The following TXLNB variants were observed in gnomAD, a reference collection of about 807,000 sequenced individuals.
TXLNB encodes the protein beta-taxilin.
A neutral mutation model predicts 57.4 loss-of-function variants in TXLNB; 37 were observed. That is an observed-to-expected ratio of 0.64 (90% CI 0.50 to 0.85). The LOEUF is 0.85. Among genes scored for constraint, TXLNB ranks in the 40% least tolerant of loss-of-function variants. The pLI, the probability that TXLNB is intolerant of heterozygous loss-of-function variation, is 0.00. For synonymous variants in TXLNB, 302 were observed against 309.6 expected, an observed-to-expected ratio of 0.98 and a Z score of 0.26; for missense variants, 848 against 825.6, an observed-to-expected ratio of 1.03 and a Z score of -0.33.
At chr6:139,258,631 T>C (rs1442876139) in intron 6 of TXLNB, among the ~76,000 whole-genome samples, 1 of 152,234 alleles carries the variant, frequency 6.6e-6, no homozygotes, top group African/African-American at 2.4e-5. Context: ...ACTGAATTGA[T>C]TCTGGTCTGA....
the TXLNB span, chr6:139,179,856 T>C: frequency 1.3e-5 from 2 of 152,216 alleles, no homozygotes; most frequent in Non-Finnish European, 2.9e-5. Flanking sequence ...TTCAGTAAAA[T>C]GAAGCAGTCT....
At chr6:139,227,546 C>T in the TXLNB span, among the ~76,000 whole-genome samples, 1 of 152,156 alleles carries the variant, frequency 6.6e-6, no homozygotes, top group Non-Finnish European at 1.5e-5. Context: ...AGACACATGT[C>T]ATATAACCCA....
the TXLNB span, among the ~76,000 whole-genome samples, chr6:139,185,672 G>A: frequency 6.6e-6 from 1 of 152,216 alleles, no homozygotes; most frequent in Non-Finnish European, 1.5e-5. Context: ...CTGCACTCCA[G>A]CCTGGGCGAC....
the TXLNB span, among the ~76,000 whole-genome samples, chr6:139,213,898 G>A: frequency 1.9e-4 from 29 of 152,154 alleles, no homozygotes; most frequent in Admixed American, 7.2e-4. Flanking sequence ...TAAATTCCTC[G>A]ACACATACAC....
chr6:139,236,836 T>C (rs1384636609), downstream of TXLNB, among the ~76,000 whole-genome samples: 1 of 152,102 alleles, frequency 6.6e-6, no homozygotes, highest in Non-Finnish European at 1.5e-5. Context: ...ACTGCTGAGC[T>C]CAAGTGATCC....
chr6:139,201,253 G>C, the TXLNB span, among the ~76,000 whole-genome samples: 3 of 152,164 alleles, frequency 2.0e-5, no homozygotes, highest in Non-Finnish European at 2.9e-5. Flanking sequence ...GTTTTGGACT[G>C]AGCTCCTGCA....
chr6:139,245,793 A>G (rs71560700), intron 8 of TXLNB, among the ~76,000 whole-genome samples: 1,679 of 152,224 alleles, frequency 0.011, 13 homozygotes, highest in Non-Finnish European at 0.017. Flanking sequence ...CCCGAGTTCA[A>G]GCGATTCTCC....
At chr6:139,224,133 C>A in the TXLNB span, among the ~76,000 whole-genome samples, 2 of 150,050 alleles carry the variant, frequency 1.3e-5, no homozygotes, top group Non-Finnish European at 3.0e-5. Flanking sequence ...ATGATGAGTT[C>A]ATGTCCTTTG....
At chr6:139,262,551 G>A in intron 5 of TXLNB, 28 bp downstream of exon 5, 1 of 1,598,920 alleles carries the variant, frequency 6.3e-7, no homozygotes, top group Non-Finnish European at 8.5e-7. Context: ...TCTATGTACT[G>A]TTCTAAGTTG....
the TXLNB span, among the ~76,000 whole-genome samples, chr6:139,215,844 G>A: frequency 7.2e-5 from 11 of 152,134 alleles, no homozygotes; most frequent in African/African-American, 2.4e-4. Flanking sequence ...TAAAGAAGAC[G>A]TTTATGCAGC....
the TXLNB span, among the ~76,000 whole-genome samples, chr6:139,217,281 A>G: frequency 2.0e-5 from 3 of 152,182 alleles, no homozygotes; most frequent in African/African-American, 7.2e-5. Flanking sequence ...GAATCAAAGA[A>G]TAAGTCATAT....
chr6:139,204,790 C>A, the TXLNB span, among the ~76,000 whole-genome samples: 1 of 152,130 alleles, frequency 6.6e-6, no homozygotes, highest in African/African-American at 2.4e-5. Flanking sequence ...AGGATTGAGA[C>A]CAGCCTCGCC....
At chr6:139,266,957 GC>G in intron 4 of TXLNB, among the ~76,000 whole-genome samples, 1 of 128,686 alleles carries the variant, frequency 7.8e-6, no homozygotes, top group South Asian at 2.3e-4. Context: ...TTTATTTAAG[GC>G]TAAAAGGAAA....
chr6:139,277,929 T>A (rs1035761914), intron 2 of TXLNB, among the ~76,000 whole-genome samples: 1 of 152,198 alleles, frequency 6.6e-6, no homozygotes, highest in Non-Finnish European at 1.5e-5. Flanking sequence ...AGTACTTGCT[T>A]TCATCTTGGA....
the TXLNB span, among the ~76,000 whole-genome samples, chr6:139,221,459 A>G: frequency 6.6e-6 from 1 of 152,296 alleles, no homozygotes; most frequent in South Asian, 2.1e-4. Flanking sequence ...AGAGATTTAA[A>G]TCATCTCCAT....
intron 8 of TXLNB, 72 bp from the exon 9 acceptor site, chr6:139,244,762 G>A: frequency 2.0e-6 from 2 of 1,001,112 alleles, no homozygotes; most frequent in Admixed American, 1.8e-5. Flanking sequence ...AGCTCCATAT[G>A]TGAGACCAGG....
the TXLNB span, among the ~76,000 whole-genome samples, chr6:139,316,574 G>A: frequency 6.6e-6 from 1 of 152,028 alleles, no homozygotes; most frequent in Admixed American, 6.6e-5. Flanking sequence ...CTGTTGCAGT[G>A]GTCCCTAAAC....
chr6:139,265,192 T>C (rs1460734559), intron 4 of TXLNB, among the ~76,000 whole-genome samples: 5 of 152,232 alleles, frequency 3.3e-5, no homozygotes, highest in African/African-American at 1.2e-4. Context: ...AGATCATTCC[T>C]ACAGTCCTTT....
intron 4 of TXLNB, among the ~76,000 whole-genome samples, chr6:139,269,549 CAATTTG>C (rs908111137): frequency 3.9e-5 from 6 of 152,276 alleles, no homozygotes; most frequent in Admixed American, 2.0e-4. Flanking sequence ...TATCAAAAAA[CAATTTG>C]GGAAAATGAG....
Sources: allele counts gnomAD v4.1 joint callset (sites outside exome capture counted in the v4.1 genomes callset), GRCh38; gene constraint gnomAD v4.1.1; transcripts MANE v1.5; gene names NCBI Gene and HGNC (gene_info 2026-07-23, HGNC 2026-07-21).